The following ZMYND8 variants were observed in gnomAD, a reference collection of about 807,000 sequenced individuals.
The protein encoded by ZMYND8 is MYND-type zinc finger-containing chromatin reader ZMYND8.
ZMYND8 carries 37 observed loss-of-function variants against 140.8 expected under a neutral mutation model. That is an observed-to-expected ratio of 0.26 (90% CI 0.20 to 0.35). ZMYND8 has a LOEUF of 0.35. Ranked by LOEUF, ZMYND8 falls within the 10% of genes least tolerant of loss-of-function variation. The pLI, the probability that ZMYND8 is intolerant of heterozygous loss-of-function variation, is 1.00. For missense variants in ZMYND8, 1,068 were observed against 1,570.0 expected, an observed-to-expected ratio of 0.68 and a Z score of 5.40; for synonymous variants, 592 against 597.1, an observed-to-expected ratio of 0.99 and a Z score of 0.12.
chr20:47,343,824 T>C (rs2082114590), intron 2 of ZMYND8, among the ~76,000 whole-genome samples: 1 of 152,010 alleles, frequency 6.6e-6, no homozygotes, highest in Non-Finnish European at 1.5e-5. Context: ...AAGCCTCTGC[T>C]TTCGAGGAGG....
intron 2 of ZMYND8, among the ~76,000 whole-genome samples, chr20:47,344,472 G>A (rs896035600): frequency 5.3e-5 from 8 of 152,058 alleles, no homozygotes; most frequent in East Asian, 1.9e-4. Context: ...CCTGAAAACC[G>A]GTAAGTTCCA....
At chr20:47,262,851 G>GCTCACACGCAGCCAC (rs1252018761) in intron 11 of ZMYND8, among the ~76,000 whole-genome samples, 1 of 152,166 alleles carries the variant, frequency 6.6e-6, no homozygotes, top group African/African-American at 2.4e-5. Flanking sequence ...ACCACGGCCA[G>GCTCACACGCAGCCAC]CTCACACGCA....
Position 47,342,002 on chromosome 20 carries a change from C to CA in ZMYND8, c.85+5853dup, listed in dbSNP as rs59232015. Among the ~76,000 whole-genome samples the CA allele has an allele frequency of 2.2e-3, 316 of 141,880 alleles. 1 individual carries two copies. The highest frequency in any genetic ancestry group is 5.7e-3 in the Admixed American group (80 of 14,148). The allele number at this position is 141,880 out of a possible 152,430, so 93.1% of individuals were successfully genotyped here. A position where few individuals can be genotyped will look rare whatever the true frequency, so the allele number is the denominator to read the frequency against. ...TGGGTGACAGGGCGTGACTCCGTCT[C>CA]AAAAAAAAAAAATACAAAACTTAGC... On this transcript the variant is annotated intron_variant, in intron 2 of 22. Coordinates refer to ENST00000471951, the MANE Select transcript of ZMYND8 (RefSeq NM_001281775.3).
intron 1 of ZMYND8, chr20:47,349,855 A>C (rs112759403): frequency 2.0e-6 from 3 of 1,533,264 alleles, no homozygotes; most frequent in Non-Finnish European, 1.7e-6. Flanking sequence ...GCCAAAAAAA[A>C]CCCACTTGAA....
intron 22 of ZMYND8, among the ~76,000 whole-genome samples, chr20:47,211,649 G>C (rs895725521): frequency 6.6e-6 from 1 of 152,236 alleles, no homozygotes; most frequent in Non-Finnish European, 1.5e-5. Context: ...AGCTCTGCTA[G>C]ATGGCTGACT....
At chr20:47,330,587 T>C (rs2080859039) in intron 2 of ZMYND8, among the ~76,000 whole-genome samples, 1 of 152,046 alleles carries the variant, frequency 6.6e-6, no homozygotes, top group Admixed American at 6.6e-5. Context: ...CATTAGAAGT[T>C]ATACTAATAT....
rs1291293383 is a variant in ZMYND8, at chr20:47,211,635, C to G, written c.3569-738G>C. 2.6e-5 allele frequency among the ~76,000 whole-genome samples: 4 copies of G among 152,216 alleles called. No individual in the cohort carries two copies. In the South Asian group the frequency reaches 8.3e-4, roughly 32 times the overall value. On this transcript the variant is annotated intron_variant, in intron 22 of 22. Transcript: ENST00000471951. Reference sequence around the variant, plus strand: ...CTTTAGCCAACAGCCCAGCCCAGATCTGCAGCTCTGCTAGATGGCTGACTG... The same window carrying G: ...CTTTAGCCAACAGCCCAGCCCAGATGTGCAGCTCTGCTAGATGGCTGACTG...
chr20:47,309,311 T>TA (rs1210401241), intron 3 of ZMYND8, among the ~76,000 whole-genome samples: 4 of 149,416 alleles, frequency 2.7e-5, no homozygotes, highest in Non-Finnish European at 6.0e-5. Flanking sequence ...AACCCTTCAT[T>TA]TTTTTTTTTT....
intron 2 of ZMYND8, among the ~76,000 whole-genome samples, chr20:47,335,749 A>G (rs2081344239): frequency 6.6e-6 from 1 of 152,236 alleles, no homozygotes; most frequent in African/African-American, 2.4e-5. Flanking sequence ...TGAACCACAA[A>G]GCTAAATTGC....
In ZMYND8 at chr20:47,283,739, T is replaced by C. The variant is rs543599218; in HGVS notation, c.805-91A>G. 2.1e-3 allele frequency: 2,695 copies of C among 1,313,270 alleles called. 74 individuals carry two copies. In the South Asian group the frequency reaches 0.032, roughly 15 times the overall value. 81.4% of individuals were successfully genotyped at this position (1,313,270 alleles called of 1,614,324 possible). ...TGCTTGATGATTTTGAAGGTTAAGA[T>C]GTTTTAAAGTCCCATAGAGGGAACA... On this transcript the variant is annotated intron_variant, in intron 8 of 22. Transcript: ENST00000471951.
intron 1 of ZMYND8, among the ~76,000 whole-genome samples, chr20:47,350,328 GAAAAAA>G (rs3084684): frequency 1.1e-5 from 1 of 93,286 alleles, no homozygotes; most frequent in Admixed American, 1.1e-4. Flanking sequence ...ATTAAAAGGA[GAAAAAA>G]AAAAAAAAAA....
intron 2 of ZMYND8, among the ~76,000 whole-genome samples, chr20:47,328,493 A>G (rs557332871): frequency 6.6e-6 from 1 of 151,788 alleles, no homozygotes; most frequent in South Asian, 2.1e-4. Flanking sequence ...TTTTCGAGAC[A>G]GAGTCTGTTG....
In ZMYND8 at chr20:47,262,535, T is replaced by G; in HGVS notation, c.1481-107A>C. 3 of 1,464,742 alleles carry G rather than the reference T, an allele frequency of 2.0e-6. No homozygotes were observed. In the South Asian group the frequency reaches 3.8e-5, roughly 19 times the overall value. The allele number at this position is 1,464,742 out of a possible 1,614,324, so 90.7% of individuals were successfully genotyped here. ...AGAGATTATGAAATTGTGTTTGATT[T>G]CAGCAAGGCCGCTACAGTATCACGA... On this transcript the variant is annotated intron_variant, in intron 11 of 22. Coordinates refer to ENST00000471951, the MANE Select transcript of ZMYND8 (RefSeq NM_001281775.3).
chr20:47,238,627 G>C, intron 15 of ZMYND8, 131 bp downstream of exon 15: 7 of 1,447,508 alleles, frequency 4.8e-6, no homozygotes, highest in Non-Finnish European at 5.6e-6. Flanking sequence ...GAATGTGCAA[G>C]GCCTTCAAGA....
At chr20:47,245,035 C>T (rs947838366) in intron 14 of ZMYND8, among the ~76,000 whole-genome samples, 5 of 151,976 alleles carry the variant, frequency 3.3e-5, no homozygotes, top group Non-Finnish European at 5.9e-5. Flanking sequence ...CCAGCCTGGG[C>T]GACAAGAGCC....
chr20:47,256,147 A>G (rs1030420692), intron 12 of ZMYND8, among the ~76,000 whole-genome samples: 1 of 151,876 alleles, frequency 6.6e-6, no homozygotes. Context: ...GGAACTACAA[A>G]ATGTCAGTTC....
chr20:47,327,335 T>G (rs2080517481), intron 2 of ZMYND8, among the ~76,000 whole-genome samples: 1 of 151,052 alleles, frequency 6.6e-6, no homozygotes, highest in Admixed American at 6.6e-5. Context: ...TAAAATAAGG[T>G]CATTCACAGA....
chr20:47,228,277 G>A (rs2037982093), intron 17 of ZMYND8, among the ~76,000 whole-genome samples: 1 of 152,026 alleles, frequency 6.6e-6, no homozygotes, highest in South Asian at 2.1e-4. Flanking sequence ...GAATGCACAG[G>A]GCAGCCCCAC....
chr20:47,344,578 G>T (rs1372818965), intron 2 of ZMYND8, among the ~76,000 whole-genome samples: 1 of 152,210 alleles, frequency 6.6e-6, no homozygotes, highest in East Asian at 1.9e-4. Context: ...TTCTAAAACG[G>T]AAAAGGGACT....
Sources: gnomAD v4.1 joint callset for allele counts (sites outside exome capture counted in the v4.1 genomes callset) on GRCh38, gnomAD v4.1.1 for gene constraint, MANE v1.5 for transcripts, NCBI Gene and HGNC (gene_info 2026-07-23, HGNC 2026-07-21) for gene names.